The following NPAS3 variants were observed in gnomAD, a reference collection of about 807,000 sequenced individuals.
The protein encoded by NPAS3 is neuronal PAS domain protein 3, also known as neuronal PAS domain-containing protein 3.
A neutral mutation model predicts 73.1 loss-of-function variants in NPAS3; 14 were observed. That is an observed-to-expected ratio of 0.19 (90% CI 0.13 to 0.30). The LOEUF is 0.30. NPAS3 is among the 10% of genes least tolerant of loss of function. The pLI is 1.00. For synonymous variants in NPAS3, 620 were observed against 541.5 expected, an observed-to-expected ratio of 1.14 and a Z score of -2.01; for missense variants, 1,096 against 1,250.0, an observed-to-expected ratio of 0.88 and a Z score of 1.86.
chr14:33,552,211 G>A (rs1217629431), intron 4 of NPAS3, among the ~76,000 whole-genome samples: 1 of 152,152 alleles, frequency 6.6e-6, no homozygotes, highest in Non-Finnish European at 1.5e-5. Flanking sequence ...AGAAATGCTG[G>A]AAGAGGCAAG....
At chr14:33,044,376 G>T (rs1281589675) in intron 1 of NPAS3, among the ~76,000 whole-genome samples, 1 of 152,082 alleles carries the variant, frequency 6.6e-6, no homozygotes, top group Non-Finnish European at 1.5e-5. Context: ...ATTGTATTTT[G>T]CTCATACTTC....
At chr14:33,689,046 G>A (rs1488767275) in intron 6 of NPAS3, among the ~76,000 whole-genome samples, 4 of 152,150 alleles carry the variant, frequency 2.6e-5, no homozygotes, top group African/African-American at 9.7e-5. Context: ...AATCCTGACC[G>A]ACATTTGAGG....
intron 5 of NPAS3, among the ~76,000 whole-genome samples, chr14:33,589,033 T>C (rs2056967745): frequency 6.6e-6 from 1 of 152,210 alleles, no homozygotes; most frequent in African/African-American, 2.4e-5. Context: ...GTAGAATCTT[T>C]CTCAAACCTC....
chr14:33,386,630 A>C lies in NPAS3; in HGVS notation c.468+19362A>C, dbSNP rs527851945. On this transcript the variant is annotated intron_variant, in intron 4 of 11. Coordinates refer to ENST00000356141, the Ensembl canonical transcript of NPAS3. ...ATGTTTGTTCTTTTTTATTTTTCTCAGTATTGGGAACCCATTTATCAACAG... is the reference window on the plus strand; with the variant it reads ...ATGTTTGTTCTTTTTTATTTTTCTCCGTATTGGGAACCCATTTATCAACAG... Among the ~76,000 whole-genome samples the C allele has an allele frequency of 4.5e-4, 69 of 152,190 alleles. 1 individual carries two copies. The highest frequency in any genetic ancestry group is 1.7e-3 in the African/African-American group (69 of 41,536).
At chr14:33,424,431 C>A (rs924129448) in intron 4 of NPAS3, among the ~76,000 whole-genome samples, 6 of 151,832 alleles carry the variant, frequency 4.0e-5, no homozygotes, top group African/African-American at 1.5e-4. Context: ...TCAAACGCAA[C>A]TACTTTAACT....
chr14:33,629,226 C>G (rs1467428674), intron 5 of NPAS3, among the ~76,000 whole-genome samples: 2 of 144,484 alleles, frequency 1.4e-5, no homozygotes, highest in African/African-American at 5.2e-5. Flanking sequence ...CAGAGCGAGA[C>G]TCCATCTCAA....
At chr14:33,541,096 GGTGTGTGT>G (rs140503260) in intron 4 of NPAS3, among the ~76,000 whole-genome samples, 7 of 142,858 alleles carry the variant, frequency 4.9e-5, no homozygotes, top group South Asian at 2.2e-4. Context: ...TATGTTTAGA[GGTGTGTGT>G]GTGTGTGTGT....
intron 4 of NPAS3, among the ~76,000 whole-genome samples, chr14:33,525,984 G>A (rs2053783170): frequency 6.6e-6 from 1 of 152,008 alleles, no homozygotes; most frequent in African/African-American, 2.4e-5. Context: ...TAAGTTAGGG[G>A]AAAAAATAAA....
chr14:33,795,816 G>A (rs942423727), intron 10 of NPAS3, among the ~76,000 whole-genome samples: 1 of 152,196 alleles, frequency 6.6e-6, no homozygotes, highest in African/African-American at 2.4e-5. Flanking sequence ...ACAAACTCAT[G>A]AGCTTTGGTG....
intron 3 of NPAS3, among the ~76,000 whole-genome samples, chr14:33,332,999 A>G (rs910220500): frequency 6.6e-6 from 1 of 152,226 alleles, no homozygotes; most frequent in Non-Finnish European, 1.5e-5. Context: ...CAAATAATAC[A>G]GAATGCAGCA....
At chr14:33,173,003 G>A (rs2045455571) in intron 2 of NPAS3, among the ~76,000 whole-genome samples, 1 of 152,086 alleles carries the variant, frequency 6.6e-6, no homozygotes, top group South Asian at 2.1e-4. Context: ...AATATGAGAA[G>A]TTTTAATGTT....
chr14:33,021,091 A>G (rs1195547317), intron 1 of NPAS3, among the ~76,000 whole-genome samples: 3 of 152,094 alleles, frequency 2.0e-5, no homozygotes, highest in Non-Finnish European at 4.4e-5. Context: ...GTTCAACTCT[A>G]TTCTTTTGTA....
At chr14:33,214,319 CAG>C (rs1311782298) in intron 2 of NPAS3, 2 of 152,146 alleles carry the variant, frequency 1.3e-5, no homozygotes, top group South Asian at 2.1e-4. Flanking sequence ...AAACTTCAAA[CAG>C]AAATGCACAT....
At chr14:33,480,114 G>C (rs1475279724) in intron 4 of NPAS3, among the ~76,000 whole-genome samples, 1 of 152,190 alleles carries the variant, frequency 6.6e-6, no homozygotes, top group Non-Finnish European at 1.5e-5. Flanking sequence ...TACTAGAAGG[G>C]AGAGGATCAT....
chr14:33,274,865 G>A (rs1396501048), intron 3 of NPAS3, among the ~76,000 whole-genome samples: 1 of 152,106 alleles, frequency 6.6e-6, no homozygotes, highest in Non-Finnish European at 1.5e-5. Flanking sequence ...TTTTTAAAGG[G>A]CTACATTTTT....
At chr14:33,668,806 G>A (rs994837408) in intron 5 of NPAS3, among the ~76,000 whole-genome samples, 6 of 152,154 alleles carry the variant, frequency 3.9e-5, no homozygotes, top group East Asian at 3.9e-4. Flanking sequence ...GTGACAGGGC[G>A]AGACCCTGTC....
chr14:33,644,779 T>C (rs1384075256), intron 5 of NPAS3, among the ~76,000 whole-genome samples: 2 of 151,694 alleles, frequency 1.3e-5, no homozygotes, highest in East Asian at 1.9e-4. Context: ...AAAAAGAAAA[T>C]GCTAATCAAG....
chr14:33,229,127 C>T (rs1018265698), intron 3 of NPAS3, among the ~76,000 whole-genome samples: 1 of 152,062 alleles, frequency 6.6e-6, no homozygotes, highest in South Asian at 2.1e-4. Flanking sequence ...ACAGGATACC[C>T]AATGCCATGT....
intron 7 of NPAS3, among the ~76,000 whole-genome samples, chr14:33,748,990 T>C (rs1450383338): frequency 6.6e-6 from 1 of 152,158 alleles, no homozygotes; most frequent in Non-Finnish European, 1.5e-5. Context: ...CTAGGAAACA[T>C]TTAACCAAAT....
Sources: gnomAD v4.1 joint callset for allele counts (sites outside exome capture counted in the v4.1 genomes callset) on GRCh38, gnomAD v4.1.1 for gene constraint, MANE v1.5 for transcripts, NCBI Gene and HGNC (gene_info 2026-07-23, HGNC 2026-07-21) for gene names.